The following BMP5 variants were observed in gnomAD, a reference collection of about 807,000 sequenced individuals.
BMP5 encodes the protein bone morphogenetic protein 5.
Under a neutral mutation model 46.6 loss-of-function variants are expected in BMP5, and 23 were observed. The ratio of observed to expected loss-of-function variants is 0.49; its 90% CI spans 0.35 to 0.70. The LOEUF is 0.70. Among genes scored for constraint, BMP5 ranks in the 30% least tolerant of loss-of-function variants. BMP5 has a pLI of 0.00. For synonymous variants in BMP5, 204 were observed against 191.9 expected (o/e 1.06, Z -0.52); for missense variants, 545 against 565.6 (o/e 0.96, Z 0.37).
chr6:55,842,013 T>G (rs1178440308), intron 1 of BMP5, among the ~76,000 whole-genome samples: 1 of 152,172 alleles, frequency 6.6e-6, no homozygotes, highest in Admixed American at 6.6e-5. Flanking sequence ...CTGTATCATC[T>G]TGCAGTAGAT....
At chr6:55,830,905 A>T (rs1283390468) in intron 1 of BMP5, among the ~76,000 whole-genome samples, 1 of 152,120 alleles carries the variant, frequency 6.6e-6, no homozygotes, top group Non-Finnish European at 1.5e-5. Flanking sequence ...GTAGATTCTT[A>T]GGTTTCTCTT....
intron 4 of BMP5, among the ~76,000 whole-genome samples, chr6:55,768,287 T>C (rs1774965573): frequency 6.6e-6 from 1 of 151,974 alleles, no homozygotes; most frequent in Non-Finnish European, 1.5e-5. Flanking sequence ...TTTTATCTGA[T>C]TTACAATGCT....
At position 55,755,345 on chromosome 6, in the gene BMP5, C is replaced by G. The variant is rs548450483; in HGVS notation, c.*188G>C. The G allele has an allele frequency of 5.4e-6, 3 of 551,826 alleles. No individual in the cohort carries two copies. The highest frequency in any genetic ancestry group is 2.5e-5 in the South Asian group (1 of 39,286). The allele number at this position is 551,826 out of a possible 1,614,324, so 34.2% of individuals were successfully genotyped here. A position where few individuals can be genotyped will look rare whatever the true frequency, so the allele number is the denominator to read the frequency against. Reference sequence around the variant, plus strand: ...ATGAAATAGATTTTATTGATAAAGCCTCCACAGAAGAGAATATATACGTTT... The same window carrying G: ...ATGAAATAGATTTTATTGATAAAGCGTCCACAGAAGAGAATATATACGTTT... On this transcript the variant is annotated 3_prime_UTR_variant, in exon 7 of 7. Coordinates refer to ENST00000370830, the MANE Select transcript of BMP5 (RefSeq NM_021073.4).
intron 2 of BMP5, among the ~76,000 whole-genome samples, chr6:55,796,080 T>C (rs10456718): frequency 0.17 from 26,503 of 152,114 alleles, 2,628 homozygotes; most frequent in Non-Finnish European, 0.23. Context: ...GACCTTAATC[T>C]TGGAATTAAC....
In BMP5 at chr6:55,803,616, G is replaced by C. The variant is rs148483039; in HGVS notation, c.684-9189C>G. On this transcript the variant is annotated intron_variant, in intron 2 of 6. Transcript: ENST00000370830. ...CACTGATCTGCTAGCTCACCTTACT[G>C]TTGGGAGCACCTGGGCTCTTTCAGC... Among the ~76,000 whole-genome samples the C allele has an allele frequency of 6.8e-3, 1,035 of 152,282 alleles. 14 individuals carry two copies. The highest frequency in any genetic ancestry group is 0.023 in the African/African-American group (975 of 41,556).
intron 1 of BMP5, among the ~76,000 whole-genome samples, chr6:55,836,446 T>G (rs1020804261): frequency 6.6e-6 from 1 of 152,162 alleles, no homozygotes; most frequent in Non-Finnish European, 1.5e-5. Flanking sequence ...GGTTTAAATC[T>G]AGAAGTCCAG....
At chr6:55,855,080 T>C (rs1280693043) in intron 1 of BMP5, among the ~76,000 whole-genome samples, 2 of 152,162 alleles carry the variant, frequency 1.3e-5, no homozygotes, top group Admixed American at 6.5e-5. Flanking sequence ...CTTTTGATCA[T>C]ATTTTCAGCA....
intron 1 of BMP5, among the ~76,000 whole-genome samples, chr6:55,861,935 G>A (rs1183531294): frequency 1.3e-5 from 2 of 152,162 alleles, no homozygotes; most frequent in Non-Finnish European, 2.9e-5. Flanking sequence ...TAGGACTTCG[G>A]ACAAAGGACT....
chr6:55,755,749 G>T, intron 6 of BMP5, 67 bp from the exon 7 acceptor site: 2 of 1,456,418 alleles, frequency 1.4e-6, no homozygotes, highest in Non-Finnish European at 1.9e-6. Flanking sequence ...GTTTTAAAAT[G>T]GTATGATTAT....
chr6:55,802,527 TA>T (rs1265162238), intron 2 of BMP5, among the ~76,000 whole-genome samples: 1 of 151,966 alleles, frequency 6.6e-6, no homozygotes, highest in Non-Finnish European at 1.5e-5. Flanking sequence ...CAACAATAAA[TA>T]TTTGATTTAC....
intron 1 of BMP5, among the ~76,000 whole-genome samples, chr6:55,847,173 T>C (rs1417241097): frequency 6.6e-6 from 1 of 151,902 alleles, no homozygotes; most frequent in Non-Finnish European, 1.5e-5. Context: ...TAGAAAGTGG[T>C]GGAACTGAAA....
At chr6:55,788,185 C>A (rs1383102037) in intron 3 of BMP5, among the ~76,000 whole-genome samples, 1 of 151,586 alleles carries the variant, frequency 6.6e-6, no homozygotes, top group Non-Finnish European at 1.5e-5. Flanking sequence ...GTTGGCCAGC[C>A]TTTAATAAAT....
chr6:55,824,761 A>G (rs1275327096), intron 1 of BMP5, among the ~76,000 whole-genome samples: 1 of 151,966 alleles, frequency 6.6e-6, no homozygotes, highest in Non-Finnish European at 1.5e-5. Flanking sequence ...TGTATTTAAA[A>G]GGAGACCACA....
At chr6:55,793,565 C>G (rs1393432342) in intron 3 of BMP5, among the ~76,000 whole-genome samples, 1 of 152,126 alleles carries the variant, frequency 6.6e-6, no homozygotes. Flanking sequence ...TGATGTGTCA[C>G]TATTTTTCAG....
intron 3 of BMP5, among the ~76,000 whole-genome samples, chr6:55,794,003 A>G (rs1775640876): frequency 6.6e-6 from 1 of 152,184 alleles, no homozygotes; most frequent in African/African-American, 2.4e-5. Context: ...ACTTACTTAC[A>G]TATACAGGTC....
intron 1 of BMP5, among the ~76,000 whole-genome samples, chr6:55,829,753 T>C (rs1050474964): frequency 2.6e-5 from 4 of 151,968 alleles, no homozygotes; most frequent in Non-Finnish European, 5.9e-5. Context: ...ATCAGAATTG[T>C]ATTAAAGTAA....
chr6:55,759,172 A>AAAAAAAAAAAAAAAAAAAAAAAAAAAC lies in BMP5; in HGVS notation c.1105-58_1105-57insGTTTTTTTTTTTTTTTTTTTTTTTTTT, dbSNP rs1562023483. On this transcript the variant is annotated intron_variant, in intron 5 of 6. Transcript: ENST00000370830. ...AAAAAAAAAAAAAAAAAAAAAAAAAAAAAAAAAAAAACAACAAGAAAAAAT... is the reference window on the plus strand; with the variant it reads ...AAAAAAAAAAAAAAAAAAAAAAAAAAAAAAAAAAAAAAAAAAAAAAAAAAAACAAAAAAAAAAACAACAAGAAAAAAT... The AAAAAAAAAAAAAAAAAAAAAAAAAAAC allele has an allele frequency of 6.9e-5, 51 of 738,894 alleles. 1 individual carries two copies. The highest frequency in any genetic ancestry group is 2.7e-4 in the South Asian group (13 of 48,048). 45.8% of individuals were successfully genotyped at this position (738,894 alleles called of 1,614,324 possible).
chr6:55,784,224 G>A (rs1051546174), intron 3 of BMP5, among the ~76,000 whole-genome samples: 6 of 151,780 alleles, frequency 4.0e-5, no homozygotes, highest in East Asian at 1.9e-4. Context: ...GAGAACTGTC[G>A]TTTCTTAGTA....
At chr6:55,864,891 T>A (rs867097034) in intron 1 of BMP5, among the ~76,000 whole-genome samples, 14 of 152,014 alleles carry the variant, frequency 9.2e-5, no homozygotes, top group Non-Finnish European at 1.3e-4. Flanking sequence ...ACAAAAATAT[T>A]TAATAGCCGC....
Sources: allele counts gnomAD v4.1 joint callset (sites outside exome capture counted in the v4.1 genomes callset), GRCh38; gene constraint gnomAD v4.1.1; transcripts MANE v1.5; gene names NCBI Gene and HGNC (gene_info 2026-07-23, HGNC 2026-07-21).